Variants in ARHGAP6 observed in about 807,000 individuals in gnomAD.
ARHGAP6 encodes the protein rho GTPase-activating protein 6.
A neutral mutation model predicts 55.7 loss-of-function variants in ARHGAP6; 16 were observed. The ratio of observed to expected loss-of-function variants is 0.29; its 90% CI spans 0.19 to 0.44. The LOEUF (loss-of-function observed/expected upper bound fraction) is 0.44, where lower values mean the gene tolerates loss of function less well. Ranked by LOEUF, ARHGAP6 falls within the 20% of genes least tolerant of loss-of-function variation. ARHGAP6 has a pLI of 1.00. For synonymous variants in ARHGAP6, 382 were observed against 360.9 expected (o/e 1.06, Z -0.66); for missense variants, 698 against 808.9 (o/e 0.86, Z 1.66).
intron 1 of ARHGAP6, among the ~76,000 whole-genome samples, chrX:11,415,227 G>C (rs1225498466): frequency 4.5e-5 from 5 of 111,793 alleles, no homozygotes; most frequent in African/African-American, 1.3e-4. Flanking sequence ...AGGAACCAGA[G>C]CTGCTACACA....
At chrX:11,356,138 T>C (rs1046648556) in intron 1 of ARHGAP6, among the ~76,000 whole-genome samples, 31 of 110,804 alleles carry the variant, frequency 2.8e-4, no homozygotes, top group African/African-American at 9.5e-4. Flanking sequence ...GGCTAAAGAA[T>C]GAGGAATGAT....
chrX:11,379,374 G>A (rs1224403073), intron 1 of ARHGAP6, among the ~76,000 whole-genome samples: 1 of 112,041 alleles, frequency 8.9e-6, no homozygotes, highest in Non-Finnish European at 1.9e-5. Flanking sequence ...GGAACACTGG[G>A]TCCATCAATA....
chrX:11,533,330 C>T (rs192337392), intron 1 of ARHGAP6, among the ~76,000 whole-genome samples: 139 of 111,940 alleles, frequency 1.2e-3, no homozygotes, highest in African/African-American at 4.3e-3. Context: ...CACTAGGTGG[C>T]ACTTAAGATC....
At position 11,380,204 on chromosome X, in the gene ARHGAP6, G is replaced by A. The variant is rs374212519; in HGVS notation, c.589-125497C>T. On this transcript the variant is annotated intron_variant, in intron 1 of 12. Transcript: ENST00000337414. ...TAATTCAATTTAAGGTTTAATTTTA[G>A]ATAATCAAACCCCAAACCAAGCCTG... Among the ~76,000 whole-genome samples the A allele has an allele frequency of 4.5e-5, 5 of 111,490 alleles. No individual in the cohort carries two copies. In the East Asian group the frequency reaches 1.4e-3, roughly 31 times the overall value.
intron 1 of ARHGAP6, among the ~76,000 whole-genome samples, chrX:11,377,163 T>C (rs764694921): frequency 4.4e-4 from 49 of 112,379 alleles, no homozygotes; most frequent in Non-Finnish European, 7.9e-4. Flanking sequence ...CTTGTTGTTC[T>C]GCTTTCCCAG....
At chrX:11,481,619 A>C (rs992984568) in intron 1 of ARHGAP6, among the ~76,000 whole-genome samples, 1 of 112,835 alleles carries the variant, frequency 8.9e-6, no homozygotes, top group African/African-American at 3.2e-5. Context: ...CAAATAAACT[A>C]CAAGACACCC....
At chrX:11,321,601 T>C (rs950102002) in intron 1 of ARHGAP6, among the ~76,000 whole-genome samples, 1 of 111,810 alleles carries the variant, frequency 8.9e-6, no homozygotes, top group Admixed American at 9.5e-5. Flanking sequence ...TTCAATGTTA[T>C]CCTATTAAAA....
intron 1 of ARHGAP6, among the ~76,000 whole-genome samples, chrX:11,456,546 A>C (rs1176373767): frequency 2.7e-5 from 3 of 111,858 alleles, no homozygotes. Flanking sequence ...ACCTGGCCTC[A>C]TAGAATAAAG....
chrX:11,590,403 C>T (rs1322078278), intron 1 of ARHGAP6, among the ~76,000 whole-genome samples: 2 of 110,338 alleles, frequency 1.8e-5, no homozygotes, highest in Middle Eastern at 4.2e-3. Flanking sequence ...CATGTATTTC[C>T]AGTATCAAAC....
At chrX:11,333,331 T>C (rs1376734637) in intron 1 of ARHGAP6, among the ~76,000 whole-genome samples, 1 of 111,643 alleles carries the variant, frequency 9.0e-6, no homozygotes, top group African/African-American at 3.3e-5. Context: ...CGAGATCTGA[T>C]GGTTTTATAA....
chrX:11,467,988 G>GAATAAATA (rs1226738659), intron 1 of ARHGAP6, among the ~76,000 whole-genome samples: 21 of 82,814 alleles, frequency 2.5e-4, no homozygotes, highest in Non-Finnish European at 4.2e-4. Flanking sequence ...TTAAATGAAT[G>GAATAAATA]AATGAATAAA....
chrX:11,531,957 C>T (rs1461098988), intron 1 of ARHGAP6, among the ~76,000 whole-genome samples: 4 of 112,488 alleles, frequency 3.6e-5, no homozygotes, highest in Non-Finnish European at 5.6e-5. Flanking sequence ...GTAATATTTA[C>T]CAGACAATTA....
intron 1 of ARHGAP6, among the ~76,000 whole-genome samples, chrX:11,478,933 C>A (rs2050429427): frequency 8.9e-6 from 1 of 112,080 alleles, no homozygotes; most frequent in East Asian, 2.8e-4. Flanking sequence ...TCTTTGAACT[C>A]ATAGAAGGGA....
At chrX:11,177,372 G>GA in intron 8 of ARHGAP6, among the ~76,000 whole-genome samples, 1 of 72,104 alleles carries the variant, frequency 1.4e-5, no homozygotes, top group African/African-American at 4.5e-5. Flanking sequence ...TTGGTGGGCG[G>GA]GGGGGGGGCA....
At chrX:11,327,854 C>G (rs2048516915) in intron 1 of ARHGAP6, among the ~76,000 whole-genome samples, 1 of 111,911 alleles carries the variant, frequency 8.9e-6, no homozygotes. Context: ...TCATTTACAA[C>G]AGGCTTTGTG....
At chrX:11,161,217 T>C (rs2045939061) in intron 9 of ARHGAP6, among the ~76,000 whole-genome samples, 1 of 112,486 alleles carries the variant, frequency 8.9e-6, no homozygotes, top group African/African-American at 3.2e-5. Flanking sequence ...CACATTTCGT[T>C]TCCTAACATT....
intron 7 of ARHGAP6, 21 bp from the exon 8 acceptor site, chrX:11,178,269 T>C (rs1172951792): frequency 2.5e-6 from 3 of 1,183,179 alleles, no homozygotes; most frequent in Non-Finnish European, 3.4e-6. Context: ...CAAAAAGAGG[T>C]ACTCAAATAA....
At chrX:11,559,702 T>C (rs1356453678) in intron 1 of ARHGAP6, among the ~76,000 whole-genome samples, 4 of 109,529 alleles carry the variant, frequency 3.7e-5, no homozygotes, top group Non-Finnish European at 7.6e-5. Context: ...CCGAGGAGGG[T>C]GGATCACGAG....
chrX:11,593,355 A>G (rs1350363604), intron 1 of ARHGAP6, among the ~76,000 whole-genome samples: 1 of 111,729 alleles, frequency 9.0e-6, no homozygotes, highest in Non-Finnish European at 1.9e-5. Context: ...AGTAGACTAC[A>G]TGCCATATGA....
Sources: allele counts gnomAD v4.1 joint callset (sites outside exome capture counted in the v4.1 genomes callset), GRCh38; gene constraint gnomAD v4.1.1; transcripts MANE v1.5; gene names NCBI Gene and HGNC (gene_info 2026-07-23, HGNC 2026-07-21).